Variants in ADAM10 observed in about 807,000 individuals in gnomAD.
ADAM10 encodes the protein ADAM metallopeptidase domain 10.
Under a neutral mutation model 90.1 loss-of-function variants are expected in ADAM10, and 17 were observed. The observed-to-expected ratio is 0.19, with a 90% CI of 0.13 to 0.28. The LOEUF (loss-of-function observed/expected upper bound fraction) is 0.28. Ranked by LOEUF, ADAM10 falls within the 10% of genes least tolerant of loss-of-function variation. The pLI, the probability that ADAM10 is intolerant of heterozygous loss-of-function variation, is 1.00. For missense variants in ADAM10, 610 were observed against 914.3 expected, an observed-to-expected ratio of 0.67 and a Z score of 4.29; for synonymous variants, 310 against 298.6, an observed-to-expected ratio of 1.04 and a Z score of -0.40.
intron 5 of ADAM10, among the ~76,000 whole-genome samples, chr15:58,656,106 T>C (rs1896822906): frequency 6.6e-6 from 1 of 152,118 alleles, no homozygotes; most frequent in Admixed American, 6.6e-5. Context: ...TGAAATCTAT[T>C]TTGACTGATA....
At chr15:58,721,921 G>T (rs542500455) in intron 1 of ADAM10, among the ~76,000 whole-genome samples, 1 of 151,906 alleles carries the variant, frequency 6.6e-6, no homozygotes, top group African/African-American at 2.4e-5. Context: ...CCAGCTACTC[G>T]GGAGGCTGAG....
intron 4 of ADAM10, among the ~76,000 whole-genome samples, chr15:58,665,564 G>A (rs1458712241): frequency 6.6e-6 from 1 of 152,032 alleles, no homozygotes; most frequent in African/African-American, 2.4e-5. Context: ...TCCTTCTGCA[G>A]TATTCCTGAG....
chr15:58,674,203 C>G (rs1329481969), intron 4 of ADAM10, among the ~76,000 whole-genome samples: 1 of 152,096 alleles, frequency 6.6e-6, no homozygotes, highest in Non-Finnish European at 1.5e-5. Flanking sequence ...GAGATTAACT[C>G]AGAAAAAAGG....
rs1191819865 is a variant in ADAM10, at chr15:58,596,080, T to C, written c.*1467A>G. ...TATGAGAATGATTGTGTAAACCTTA[T>C]ACTCTTAAAAAAAAAAAGGAAAAAA... On this transcript the variant is annotated 3_prime_UTR_variant, in exon 16 of 16. Transcript: ENST00000260408. 2.8e-5 allele frequency: 4 copies of C among 144,328 alleles called. No homozygotes were observed. The highest frequency in any genetic ancestry group is 4.5e-5 in the Non-Finnish European group (3 of 67,186). 8.9% of individuals were successfully genotyped at this position (144,328 alleles called of 1,614,324 possible). A position where few individuals can be genotyped will look rare whatever the true frequency, so the allele number is the denominator to read the frequency against.
chr15:58,680,176 G>A (rs1008825824), intron 3 of ADAM10, among the ~76,000 whole-genome samples: 9 of 152,144 alleles, frequency 5.9e-5, no homozygotes, highest in South Asian at 4.1e-4. Context: ...GGGCTGGAGT[G>A]CAGTGACGAG....
In ADAM10 at chr15:58,710,448, CAGTA is replaced by C. The variant is rs1319909875; in HGVS notation, c.206+7125_206+7128del. On this transcript the variant is annotated intron_variant, in intron 2 of 15. Transcript: ENST00000260408. ...TCAGCTTTTCCTTTTCCTTATGCTT[CAGTA>C]AGTAATTCAAGTAGCCATTATCCCT... Among the ~76,000 whole-genome samples, 4 of 152,236 alleles carry C rather than the reference CAGTA, an allele frequency of 2.6e-5. No individual in the cohort carries two copies. In the East Asian group the frequency reaches 7.7e-4, roughly 29 times the overall value.
intron 2 of ADAM10, among the ~76,000 whole-genome samples, chr15:58,709,526 G>C (rs1007993487): frequency 6.6e-6 from 1 of 152,038 alleles, no homozygotes; most frequent in Non-Finnish European, 1.5e-5. Flanking sequence ...ATCATCTGAG[G>C]TCAGGAGTTC....
chr15:58,633,389 AGTATCTGTTT>A, intron 8 of ADAM10, 30 bp from the exon 9 acceptor site: 1 of 1,598,778 alleles, frequency 6.3e-7, no homozygotes, highest in Middle Eastern at 1.7e-4. Context: ...TGGCTAAATT[AGTATCTGTTT>A]CCCCTTACCC....
At chr15:58,666,267 C>T (rs1193408650) in intron 4 of ADAM10, among the ~76,000 whole-genome samples, 1 of 150,156 alleles carries the variant, frequency 6.7e-6, no homozygotes, top group Admixed American at 6.6e-5. Context: ...CACCCCAACG[C>T]CCCTGAAGGG....
intron 1 of ADAM10, among the ~76,000 whole-genome samples, chr15:58,724,317 G>C (rs992997821): frequency 6.6e-6 from 1 of 152,032 alleles, no homozygotes; most frequent in Non-Finnish European, 1.5e-5. Flanking sequence ...ACTCACACTA[G>C]ACAGATTCTA....
intron 4 of ADAM10, among the ~76,000 whole-genome samples, chr15:58,665,737 G>A (rs907710152): frequency 6.6e-6 from 1 of 151,750 alleles, no homozygotes; most frequent in Non-Finnish European, 1.5e-5. Flanking sequence ...TTACAGTTAC[G>A]TGACTGTATC....
At chr15:58,735,878 G>A (rs1415159038) in intron 1 of ADAM10, among the ~76,000 whole-genome samples, 3 of 152,010 alleles carry the variant, frequency 2.0e-5, no homozygotes, top group Admixed American at 2.0e-4. Context: ...AAACTGAAAT[G>A]GTTTTATACA....
At chr15:58,688,152 G>A (rs1350338576) in intron 2 of ADAM10, among the ~76,000 whole-genome samples, 3 of 152,142 alleles carry the variant, frequency 2.0e-5, no homozygotes, top group African/African-American at 7.2e-5. Flanking sequence ...AACACTGAGG[G>A]AGACTGGGGG....
chr15:58,635,791 T>TAA (rs35001597), intron 8 of ADAM10, among the ~76,000 whole-genome samples: 1 of 146,736 alleles, frequency 6.8e-6, no homozygotes, highest in African/African-American at 2.5e-5. Flanking sequence ...CTTTATCAGT[T>TAA]AAAAAAAAAA....
chr15:58,599,762 A>G (rs199710983), intron 14 of ADAM10, 38 bp from the exon 15 acceptor site: 9 of 1,346,564 alleles, frequency 6.7e-6, no homozygotes, highest in African/African-American at 3.1e-5. Context: ...AAAAAAAAAA[A>G]CTACAAAATA....
chr15:58,655,725 A>ATATATAGTGTG (rs1896808164), intron 5 of ADAM10, among the ~76,000 whole-genome samples: 5 of 97,268 alleles, frequency 5.1e-5, no homozygotes, highest in Admixed American at 1.1e-4. Flanking sequence ...ATATATATAT[A>ATATATAGTGTG]TATATATATA....
chr15:58,670,278 G>A (rs1897164723), intron 4 of ADAM10, among the ~76,000 whole-genome samples: 1 of 151,788 alleles, frequency 6.6e-6, no homozygotes, highest in South Asian at 2.1e-4. Flanking sequence ...GTATTATTAA[G>A]TCAATATTTA....
Position 58,589,663 on chromosome 15 carries a change from A to T in ADAM10, c.*7884T>A, listed in dbSNP as rs191683299. 6.6e-6 allele frequency: 1 copy of T among 152,360 alleles called. No homozygotes were observed. The highest frequency in any genetic ancestry group is 1.9e-4 in the East Asian group (1 of 5,184). 9.4% of individuals were successfully genotyped at this position (152,360 alleles called of 1,614,324 possible). A position where few individuals can be genotyped will look rare whatever the true frequency, so the allele number is the denominator to read the frequency against. ...CCACTGAGTGTAAATGATTCTCTCG[A>T]AAGTTTGGCTTAGATGAGGCAGGAT... On this transcript the variant is annotated 3_prime_UTR_variant, in exon 16 of 16. Transcript: ENST00000260408.
intron 2 of ADAM10, among the ~76,000 whole-genome samples, chr15:58,706,426 C>G (rs1395940219): frequency 1.3e-5 from 2 of 152,220 alleles, no homozygotes; most frequent in Admixed American, 1.3e-4. Flanking sequence ...TTCCTCTTAA[C>G]TTTCACCTTC....
Sources: allele counts gnomAD v4.1 joint callset (sites outside exome capture counted in the v4.1 genomes callset), GRCh38; gene constraint gnomAD v4.1.1; transcripts MANE v1.5; gene names NCBI Gene and HGNC (gene_info 2026-07-23, HGNC 2026-07-21).